The following LSM2 variants were observed in gnomAD, a reference collection of about 807,000 sequenced individuals.
LSM2 encodes the protein LSM2 homolog, U6 small nuclear RNA and mRNA degradation associated.
A neutral mutation model predicts 17.0 loss-of-function variants in LSM2; 12 were observed. The observed-to-expected ratio is 0.70, with a 90% CI of 0.45 to 1.14. The LOEUF (loss-of-function observed/expected upper bound fraction) is 1.14. LSM2 is among the 50% of genes most tolerant of loss of function. LSM2 has a pLI of 0.00. For missense variants in LSM2, 62 were observed against 111.8 expected (o/e 0.55, Z 2.01); for synonymous variants, 42 against 44.5 (o/e 0.94, Z 0.22).
intron 2 of LSM2, among the ~76,000 whole-genome samples, chr6:31,801,270 GGTGA>G (rs1433348976): frequency 6.6e-6 from 1 of 151,250 alleles, no homozygotes; most frequent in Non-Finnish European, 1.5e-5. Flanking sequence ...TGAGACAGAG[GGTGA>G]GTCTCTGCCT....
chr6:31,805,697 A>C (rs1207363075), intron 2 of LSM2, among the ~76,000 whole-genome samples: 2 of 152,042 alleles, frequency 1.3e-5, no homozygotes, highest in African/African-American at 2.4e-5. Context: ...TTTACTCTTT[A>C]AACTATATAT....
At position 31,806,887 on chromosome 6, in the gene LSM2, G is replaced by A; in HGVS notation, c.-130C>T. ...CCGCGCAGGCGCAGCGGGAAGCGAC[G>A]CAGAAAGCTCCAAGCGCTGACGGGC... On this transcript the variant is annotated 5_prime_UTR_variant, in exon 1 of 5. Coordinates refer to ENST00000375661, the MANE Select transcript of LSM2 (RefSeq NM_021177.5). 2 of 1,264,656 alleles carry A rather than the reference G, an allele frequency of 1.6e-6. No individual in the cohort carries two copies. The highest frequency in any genetic ancestry group is 2.1e-6 in the Non-Finnish European group (2 of 935,562). The allele number at this position is 1,264,656 out of a possible 1,614,324, so 78.3% of individuals were successfully genotyped here.
At chr6:31,804,763 C>CTTTT (rs9279424) in intron 2 of LSM2, among the ~76,000 whole-genome samples, 60 of 104,850 alleles carry the variant, frequency 5.7e-4, no homozygotes, top group Non-Finnish European at 8.9e-4. Flanking sequence ...TCTTTTTTTT[C>CTTTT]TTTTTTTTTT....
rs1441461636 is a variant in LSM2, at chr6:31,806,017, A to T, written c.71+58T>A. The T allele has an allele frequency of 8.9e-6, 13 of 1,455,208 alleles. No homozygotes were observed. The East Asian group carries it at 3.0e-4, about 33-fold the overall frequency. The allele number at this position is 1,455,208 out of a possible 1,614,324, so 90.1% of individuals were successfully genotyped here. ...CCCTGAAATATTTCTCAAATTAAAG[A>T]GGTTCCAGGGCCCTGGGCACACCCA... On this transcript the variant is annotated intron_variant, in intron 2 of 4. Coordinates refer to ENST00000375661, the MANE Select transcript of LSM2 (RefSeq NM_021177.5).
intron 2 of LSM2, among the ~76,000 whole-genome samples, chr6:31,799,393 G>T (rs183400210): frequency 6.6e-6 from 1 of 151,950 alleles, no homozygotes; most frequent in African/African-American, 2.4e-5. Context: ...GTCTCGCTCT[G>T]TCGGCCAGTC....
At position 31,806,442 on chromosome 6, in the gene LSM2, A is replaced by C. The variant is rs1313889180; in HGVS notation, c.4-300T>G. 1.5e-5 allele frequency: 9 copies of C among 601,400 alleles called. No homozygotes were observed. The African/African-American group carries it at 1.7e-4, about 11-fold the overall frequency. 37.3% of individuals were successfully genotyped at this position (601,400 alleles called of 1,614,324 possible). On this transcript the variant is annotated intron_variant, in intron 1 of 4. Coordinates refer to ENST00000375661, the MANE Select transcript of LSM2 (RefSeq NM_021177.5). The stretch of plus-strand genomic sequence containing the variant: ...CTCGGGTACCTGCCCACTCCTTTCA[A>C]TGAATTGTAGAAAATATCCCACCCG...
At chr6:31,800,567 A>G (rs1290573236) in intron 2 of LSM2, among the ~76,000 whole-genome samples, 1 of 152,006 alleles carries the variant, frequency 6.6e-6, no homozygotes, top group African/African-American at 2.4e-5. Flanking sequence ...AGCCTGGCCA[A>G]CACGGCGAAT....
In LSM2 at chr6:31,806,877, G is replaced by T; in HGVS notation, c.-120C>A. The T allele has an allele frequency of 7.6e-7, 1 of 1,318,586 alleles. No homozygotes were observed. The highest frequency in any genetic ancestry group is 1.0e-6 in the Non-Finnish European group (1 of 982,866). The allele number at this position is 1,318,586 out of a possible 1,614,324, so 81.7% of individuals were successfully genotyped here. Reference sequence around the variant, plus strand: ...CGAGGCGGGACCGCGCAGGCGCAGCGGGAAGCGACGCAGAAAGCTCCAAGC... The same window carrying T: ...CGAGGCGGGACCGCGCAGGCGCAGCTGGAAGCGACGCAGAAAGCTCCAAGC... On this transcript the variant is annotated 5_prime_UTR_variant, in exon 1 of 5. Transcript: ENST00000375661.
intron 3 of LSM2, 36 bp from the exon 4 acceptor site, chr6:31,798,085 T>TTA (rs1491063211): frequency 1.7e-5 from 7 of 402,240 alleles, no homozygotes; most frequent in South Asian, 8.8e-5. Flanking sequence ...ATTATTATTA[T>TTA]TTTTTTTTTT....
At chr6:31,800,785 G>A (rs1462103511) in intron 2 of LSM2, among the ~76,000 whole-genome samples, 3 of 151,926 alleles carry the variant, frequency 2.0e-5, no homozygotes, top group Non-Finnish European at 4.4e-5. Context: ...TACTTGGGAG[G>A]CTGAGGTAGA....
chr6:31,806,214 TACCA>T, intron 1 of LSM2, 72 bp from the exon 2 acceptor site: 13 of 1,375,428 alleles, frequency 9.5e-6, no homozygotes, highest in Non-Finnish European at 1.3e-5. Context: ...TTGACAGTAT[TACCA>T]AATACTGGTA....
rs9281582 is a variant in LSM2 at position 31,801,170 on chromosome 6, C to CAA, written c.72-2665_72-2664dup. ...TCGGTGACAGAGTAAGGATCTGTCT[C>CAA]AAAAAAAAAAAAAAAAAAAAAAGAC... is the stretch of plus-strand genomic sequence containing the variant. On this transcript the variant is annotated intron_variant, in intron 2 of 4. Transcript: ENST00000375661. 4.5e-3 allele frequency among the ~76,000 whole-genome samples: 234 copies of CAA among 51,894 alleles called. 4 individuals carry two copies. Among genetic ancestry groups the CAA allele is most frequent in the East Asian group, 0.01 (17 of 1,648 alleles). 34.0% of individuals were successfully genotyped at this position (51,894 alleles called of 152,430 possible). A position where few individuals can be genotyped will look rare whatever the true frequency, so the allele number is the denominator to read the frequency against.
In LSM2 at chr6:31,806,818, C is replaced by A; in HGVS notation, c.-61G>T. Reference sequence around the variant, plus strand: ...AGACAGCAGGGTGCTGCGAGCAGGTCTGGGGAAACCGAAGCGCGAGCCCGC... The same window carrying A: ...AGACAGCAGGGTGCTGCGAGCAGGTATGGGGAAACCGAAGCGCGAGCCCGC... On this transcript the variant is annotated 5_prime_UTR_variant, in exon 1 of 5. Transcript: ENST00000375661. 1.3e-6 allele frequency: 2 copies of A among 1,550,554 alleles called. No homozygotes were observed. Among genetic ancestry groups the A allele is most frequent in the Admixed American group, 2.2e-5 (1 of 45,276 alleles).
chr6:31,798,997 A>G (rs1400602091), intron 2 of LSM2, among the ~76,000 whole-genome samples: 1 of 151,948 alleles, frequency 6.6e-6, no homozygotes, highest in Non-Finnish European at 1.5e-5. Flanking sequence ...CAGCTCCCCA[A>G]AGTGCTGGGA....
chr6:31,798,538 ATTAGT>A, intron 2 of LSM2, 31 bp from the exon 3 acceptor site: 1 of 1,612,016 alleles, frequency 6.2e-7, no homozygotes, highest in Non-Finnish European at 8.5e-7. Context: ...GAAGAATCAA[ATTAGT>A]TTATAACAAA....
At chr6:31,799,444 T>C (rs1814571080) in intron 2 of LSM2, among the ~76,000 whole-genome samples, 1 of 151,928 alleles carries the variant, frequency 6.6e-6, no homozygotes, top group South Asian at 2.1e-4. Context: ...GAAAGCTCCA[T>C]CTCCCAGGTT....
intron 2 of LSM2, among the ~76,000 whole-genome samples, chr6:31,802,538 C>T (rs1459229868): frequency 1.3e-5 from 2 of 151,250 alleles, no homozygotes; most frequent in Non-Finnish European, 1.5e-5. Context: ...GAGGTTACAG[C>T]ACCACTGCAC....
At chr6:31,805,369 C>CT (rs113500265) in intron 2 of LSM2, among the ~76,000 whole-genome samples, 124,524 of 143,476 alleles carry the variant, frequency 0.87, 54,214 homozygotes, top group African/African-American at 0.96. Flanking sequence ...CTAGTACTTA[C>CT]TTTTTTTTTT....
intron 4 of LSM2, 32 bp from the exon 5 acceptor site, chr6:31,797,914 C>T: frequency 6.2e-7 from 1 of 1,612,868 alleles, no homozygotes; most frequent in African/African-American, 1.3e-5. Flanking sequence ...TGAAAACACC[C>T]TTAAAAATGT....
Sources: allele counts gnomAD v4.1 joint callset (sites outside exome capture counted in the v4.1 genomes callset), GRCh38; gene constraint gnomAD v4.1.1; transcripts MANE v1.5; gene names NCBI Gene and HGNC (gene_info 2026-07-23, HGNC 2026-07-21).